Variants in TDRD12 observed in about 807,000 individuals in gnomAD.
TDRD12 encodes the protein tudor domain containing 12.
A neutral mutation model predicts 133.5 loss-of-function variants in TDRD12; 158 were observed. That is an observed-to-expected ratio of 1.18 (90% confidence interval 1.04 to 1.35). The LOEUF (loss-of-function observed/expected upper bound fraction) is 1.35. TDRD12 is among the 40% of genes most tolerant of loss of function. The pLI, the probability that TDRD12 is intolerant of heterozygous loss-of-function variation, is 0.00. For synonymous variants in TDRD12, 460 were observed against 477.9 expected (o/e 0.96, Z 0.49); for missense variants, 1,443 against 1,321.3 (o/e 1.09, Z -1.43).
At chr19:32,775,837 CGT>C (rs1970566852) in intron 10 of TDRD12, among the ~76,000 whole-genome samples, 1 of 152,036 alleles carries the variant, frequency 6.6e-6, no homozygotes, top group Admixed American at 6.6e-5. Flanking sequence ...TTCCTGGGCC[CGT>C]GTGTGCTGAG....
intron 1 of TDRD12, among the ~76,000 whole-genome samples, chr19:32,728,877 A>G (rs1174519421): frequency 1.4e-5 from 2 of 145,230 alleles, no homozygotes; most frequent in Non-Finnish European, 3.0e-5. Context: ...TCGATCTCCT[A>G]ACCTTGTGAT....
intron 8 of TDRD12, among the ~76,000 whole-genome samples, chr19:32,757,934 C>T (rs1247887870): frequency 6.6e-6 from 1 of 152,124 alleles, no homozygotes; most frequent in Non-Finnish European, 1.5e-5. Flanking sequence ...GGTAATGTTG[C>T]TTATCATAGA....
At chr19:32,780,553 C>T (rs990095726) in intron 11 of TDRD12, among the ~76,000 whole-genome samples, 4 of 152,146 alleles carry the variant, frequency 2.6e-5, no homozygotes, top group East Asian at 1.9e-4. Flanking sequence ...GTGGTGAGAA[C>T]GCAGCTCTGT....
At chr19:32,723,319 C>T (rs948487519) in intron 1 of TDRD12, among the ~76,000 whole-genome samples, 7 of 151,234 alleles carry the variant, frequency 4.6e-5, no homozygotes, top group Non-Finnish European at 5.9e-5. Flanking sequence ...GGTGTGATCT[C>T]GGCACAGTGC....
In TDRD12 at chr19:32,795,276, T is replaced by A. The variant is rs527659353; in HGVS notation, c.1473+463T>A. Among the ~76,000 whole-genome samples the A allele has an allele frequency of 2.0e-5, 3 of 146,474 alleles. No homozygotes were observed. In the South Asian group the frequency reaches 6.4e-4, roughly 31 times the overall value. On this transcript the variant is annotated intron_variant, in intron 14 of 27. Transcript: ENST00000444215. ...TGAACCTGGGAGGCGAAGGTTGCAG[T>A]GAGCCGAGATTATACCATTGTGTTC...
chr19:32,815,581 C>T (rs1166459621), exon 26 of TDRD12: 9 of 1,536,050 alleles, frequency 5.9e-6, no homozygotes, highest in South Asian at 1.2e-5. Context: ...CGCGAAGATG[C>T]TAAGATACCA....
chr19:32,725,414 G>A (rs1002372966), intron 1 of TDRD12, among the ~76,000 whole-genome samples: 5 of 152,008 alleles, frequency 3.3e-5, no homozygotes, highest in African/African-American at 1.2e-4. Flanking sequence ...AAAGGGTCCA[G>A]TTTCAGTTTT....
intron 2 of TDRD12, among the ~76,000 whole-genome samples, chr19:32,732,571 C>A (rs1969091730): frequency 6.6e-6 from 1 of 152,210 alleles, no homozygotes; most frequent in African/African-American, 2.4e-5. Flanking sequence ...TCTTTGTTCT[C>A]CTTACTCCAC....
At chr19:32,775,628 C>T (rs937577096) in intron 10 of TDRD12, among the ~76,000 whole-genome samples, 3 of 151,908 alleles carry the variant, frequency 2.0e-5, no homozygotes, top group Admixed American at 1.3e-4. Context: ...CCACTGTGCC[C>T]GGCCTATATT....
chr19:32,812,122 TCAGGCA>T (rs1237881136), intron 24 of TDRD12, among the ~76,000 whole-genome samples: 1 of 152,188 alleles, frequency 6.6e-6, no homozygotes, highest in Non-Finnish European at 1.5e-5. Flanking sequence ...CCACTTGTGC[TCAGGCA>T]CAGGCACAGA....
chr19:32,826,676 T>C lies in TDRD12; in HGVS notation c.1049+78T>C. On this transcript the variant is annotated intron_variant, in intron 9 of 9. Coordinates refer to the TDRD12 transcript ENST00000637289. ...ACGCGCTCACTGTCAGCTGTTCTCTTGAACAGAACCCCAACGTGGCTTTTG... is the reference window on the plus strand; with the variant it reads ...ACGCGCTCACTGTCAGCTGTTCTCTCGAACAGAACCCCAACGTGGCTTTTG... The C allele has an allele frequency of 8.2e-7, 1 of 1,213,134 alleles. No individual in the cohort carries two copies. Among genetic ancestry groups the C allele is most frequent in the Non-Finnish European group, 1.0e-6 (1 of 975,288 alleles). The allele number at this position is 1,213,134 out of a possible 1,614,324, so 75.1% of individuals were successfully genotyped here.
At chr19:32,802,777 T>C (rs963858422) in exon 20 of TDRD12, 1 of 1,536,778 alleles carries the variant, frequency 6.5e-7, no homozygotes, top group Non-Finnish European at 8.7e-7. Flanking sequence ...CTGATCATTT[T>C]CACGCTGAAC....
intron 8 of TDRD12, among the ~76,000 whole-genome samples, chr19:32,761,970 C>T (rs1317255754): frequency 2.6e-5 from 4 of 152,132 alleles, no homozygotes; most frequent in Admixed American, 6.6e-5. Flanking sequence ...TCCCAAAGTG[C>T]GGGGATTACA....
rs1418345903 is a variant in TDRD12, at chr19:32,731,735, CA to C, written c.36del (p.Gly13ValfsTer7). The C allele has an allele frequency of 6.5e-7, 1 of 1,533,666 alleles. No homozygotes were observed. The highest frequency in any genetic ancestry group is 2.2e-5 in the Admixed American group (1 of 46,294). On this transcript the variant is annotated frameshift_variant, in exon 2 of 28. Coordinates refer to ENST00000444215, the Ensembl canonical transcript of TDRD12. LOFTEE classifies it high-confidence loss of function. ...TTAAAAAATTTACAGATTGAAGATC[CA>C]GGTTGCTTCTGGGTTATTATAAAAG... is the stretch of plus-strand genomic sequence containing the variant.
chr19:32,773,598 T>C, intron 10 of TDRD12, 66 bp downstream of exon 10: 1 of 1,412,716 alleles, frequency 7.1e-7, no homozygotes, highest in Non-Finnish European at 9.8e-7. Context: ...CTGGGGAGGC[T>C]GAGCTGGGGG....
chr19:32,772,280 T>C (rs1278954832), intron 8 of TDRD12, among the ~76,000 whole-genome samples: 1 of 152,156 alleles, frequency 6.6e-6, no homozygotes, highest in East Asian at 1.9e-4. Flanking sequence ...AATGTGAGCG[T>C]CCAAGACCAC....
rs1430185936 is a variant in TDRD12, at chr19:32,738,596, A to G, written c.184-260A>G. 2.6e-5 allele frequency among the ~76,000 whole-genome samples: 4 copies of G among 152,142 alleles called. No individual in the cohort carries two copies. The East Asian group carries it at 7.7e-4, about 29-fold the overall frequency. On this transcript the variant is annotated intron_variant, in intron 2 of 27. Coordinates refer to ENST00000444215, the Ensembl canonical transcript of TDRD12. ...TTTGGGAGGCTGAGGCGGGCGGATC[A>G]TGAGGTAAGGAGTTTGAGACCAGCT...
chr19:32,741,103 G>A (rs552285153), intron 3 of TDRD12, among the ~76,000 whole-genome samples: 1 of 152,250 alleles, frequency 6.6e-6, no homozygotes, highest in South Asian at 2.1e-4. Context: ...GTTTTTTTGA[G>A]ACAGTGTCTC....
intron 2 of TDRD12, among the ~76,000 whole-genome samples, chr19:32,735,767 C>G (rs150934997): frequency 1.3e-5 from 2 of 151,726 alleles, no homozygotes; most frequent in Non-Finnish European, 2.9e-5. Context: ...GTCAGGAGTT[C>G]GAGACCAGCC....
Sources: allele counts gnomAD v4.1 joint callset (sites outside exome capture counted in the v4.1 genomes callset), GRCh38; gene constraint gnomAD v4.1.1; transcripts MANE v1.5; gene names NCBI Gene and HGNC (gene_info 2026-07-23, HGNC 2026-07-21).